The following HERC2 variants were observed in gnomAD, a reference collection of about 807,000 sequenced individuals.
The protein encoded by HERC2 is E3 ubiquitin-protein ligase HERC2.
Under a neutral mutation model 537.7 loss-of-function variants are expected in HERC2, and 102 were observed. The observed-to-expected ratio is 0.19, with a 90% confidence interval of 0.16 to 0.22. HERC2 has a LOEUF of 0.22. HERC2 is among the 10% of genes least tolerant of loss of function. HERC2 has a pLI of 1.00. For missense variants in HERC2, 4,236 were observed against 6,198.2 expected (o/e 0.68, Z 10.63); for synonymous variants, 2,224 against 2,466.2 (o/e 0.90, Z 2.91).
chr15:28,181,873 A>G (rs541024868), intron 57 of HERC2, among the ~76,000 whole-genome samples: 42 of 152,334 alleles, frequency 2.8e-4, no homozygotes, highest in African/African-American at 9.4e-4. Flanking sequence ...GGTGAATGAG[A>G]TCATGGCGCT....
intron 4 of HERC2, among the ~76,000 whole-genome samples, chr15:28,288,698 A>G (rs55925927): frequency 0.064 from 9,333 of 145,576 alleles, 717 homozygotes; most frequent in African/African-American, 0.22. Flanking sequence ...ATACAAAAAC[A>G]TTAGCCAGGC....
Position 28,111,815 on chromosome 15 carries a change from T to A in HERC2, c.14453A>T (p.Asp4818Val). The A allele has an allele frequency of 6.2e-7, 1 of 1,614,192 alleles. No homozygotes were observed. Among genetic ancestry groups the A allele is most frequent in the Non-Finnish European group, 8.5e-7 (1 of 1,180,038 alleles). The change falls in exon 93 of 93, where the codon GAT becomes GTT. Residue 4818 changes from aspartate to valine, a missense_variant. This residue lies in a region of HERC2 where 313 missense variants were observed against 462.6 expected (regional missense o/e 0.68). Transcript: ENST00000261609. Reference sequence around the variant, plus strand: ...AGAGTCCGAAGCAAAGGAGTCGACATCCTCGTTATCTGAATCGTCGCTGCT... The same window carrying A: ...AGAGTCCGAAGCAAAGGAGTCGACAACCTCGTTATCTGAATCGTCGCTGCT... ...DDSSDDSDNE[D>V]VDSFASDSTQ...
chr15:28,129,142 G>A (rs187714753), intron 83 of HERC2, among the ~76,000 whole-genome samples: 54 of 152,230 alleles, frequency 3.5e-4, no homozygotes, highest in Non-Finnish European at 6.6e-4. Context: ...GGGGTTCCCC[G>A]GACCGCCCCA....
chr15:28,290,626 T>C lies in HERC2; in HGVS notation c.322+2262A>G, dbSNP rs1178874504. Among the ~76,000 whole-genome samples the C allele has an allele frequency of 3.3e-5, 5 of 152,338 alleles. No homozygotes were observed. In the East Asian group the frequency reaches 5.8e-4, roughly 18 times the overall value. ...CATTGAAATCACAGAATATGTTCTCTGACTACAACTAATTTAGAAATTAAC... is the reference window on the plus strand; with the variant it reads ...CATTGAAATCACAGAATATGTTCTCCGACTACAACTAATTTAGAAATTAAC... On this transcript the variant is annotated intron_variant, in intron 4 of 92. Transcript: ENST00000261609.
At chr15:28,220,424 G>A (rs1900399939) in intron 37 of HERC2, 28 bp downstream of exon 37, 1 of 1,599,476 alleles carries the variant, frequency 6.3e-7, no homozygotes, top group South Asian at 1.1e-5. Flanking sequence ...GGGCTGCCTT[G>A]GACTAAACAC....
chr15:28,116,918 C>G, intron 87 of HERC2, 59 bp from the exon 88 acceptor site: 1 of 1,608,426 alleles, frequency 6.2e-7, no homozygotes, highest in South Asian at 1.1e-5. Context: ...AAAGAGAGCC[C>G]CAACGCTCCC....
In HERC2 at chr15:28,198,713, A is replaced by C. The variant is rs1252969910; in HGVS notation, c.7773T>G (p.Val2591=). The change falls in exon 49 of 93, where the codon GTT becomes GTG. Residue 2591 remains valine (V), a synonymous_variant. Coordinates refer to ENST00000261609, the MANE Select transcript of HERC2 (RefSeq NM_004667.6). The stretch of plus-strand genomic sequence containing the variant: ...CTCTGTCCAGCTTGATGACTTTGCC[A>C]ACATCACCTTCGCACACTTCTTCAT... ...RAYEEVCEGD[V]GKVIKLDRDG... 3.1e-6 allele frequency: 5 copies of C among 1,614,172 alleles called. No individual in the cohort carries two copies. The South Asian group carries it at 5.5e-5, about 18-fold the overall frequency.
chr15:28,149,797 C>T (rs776266082), intron 70 of HERC2, among the ~76,000 whole-genome samples: 9 of 151,684 alleles, frequency 5.9e-5, no homozygotes, highest in Admixed American at 4.6e-4. Flanking sequence ...GTAAAATCAC[C>T]GAAAAAACAC....
At chr15:28,163,446 TA>T (rs1170087049) in intron 68 of HERC2, among the ~76,000 whole-genome samples, 161 bp from the exon 69 acceptor site, 2 of 152,162 alleles carry the variant, frequency 1.3e-5, no homozygotes, top group African/African-American at 2.4e-5. Flanking sequence ...CGACGGCCCC[TA>T]AAATCTCCAC....
chr15:28,149,746 G>A (rs548750073), intron 70 of HERC2, among the ~76,000 whole-genome samples: 37 of 151,032 alleles, frequency 2.4e-4, no homozygotes, highest in Admixed American at 1.4e-3. Flanking sequence ...AAAAACACAC[G>A]CGACTTCCAA....
intron 2 of HERC2, among the ~76,000 whole-genome samples, chr15:28,319,437 C>T (rs1473416458): frequency 4.8e-4 from 72 of 151,526 alleles, no homozygotes; most frequent in Non-Finnish European, 8.5e-4. Flanking sequence ...AAAAATTAGT[C>T]GGGCATGCAT....
chr15:28,284,773 G>C (rs1294089876), intron 4 of HERC2, among the ~76,000 whole-genome samples: 1 of 151,868 alleles, frequency 6.6e-6, no homozygotes, highest in Admixed American at 6.6e-5. Context: ...AAAGTAGCTA[G>C]GTGTGATGGC....
At chr15:28,178,841 G>A (rs757983398) in intron 59 of HERC2, 46 bp downstream of exon 59, 2 of 1,576,800 alleles carry the variant, frequency 1.3e-6, no homozygotes, top group Admixed American at 3.6e-5. Flanking sequence ...CAACGGAGCA[G>A]GAGCAAAGGC....
chr15:28,175,109 T>C (rs756524583), intron 64 of HERC2, among the ~76,000 whole-genome samples: 12 of 151,918 alleles, frequency 7.9e-5, no homozygotes, highest in Non-Finnish European at 1.8e-4. Flanking sequence ...TAGCGTATGC[T>C]TCTCCAAGCA....
intron 4 of HERC2, among the ~76,000 whole-genome samples, chr15:28,280,779 G>A (rs1294014067): frequency 6.6e-6 from 1 of 151,948 alleles, no homozygotes; most frequent in Non-Finnish European, 1.5e-5. Context: ...GTGTGGTGAC[G>A]CACGCCTGGA....
chr15:28,191,339 GA>G, intron 53 of HERC2, 95 bp from the exon 54 acceptor site: 1 of 751,040 alleles, frequency 1.3e-6, no homozygotes, highest in East Asian at 2.6e-5. Context: ...ATCTACATGA[GA>G]TTTTTTCAAT....
rs564470977 is a variant in HERC2 at position 28,165,634 on chromosome 15, A to G, written c.10554+2053T>C. Among the ~76,000 whole-genome samples the G allele has an allele frequency of 7.7e-4, 115 of 149,786 alleles. 1 individual carries two copies. The highest frequency in any genetic ancestry group is 2.8e-3 in the African/African-American group (109 of 39,340). On this transcript the variant is annotated intron_variant, in intron 68 of 92. Coordinates refer to ENST00000261609, the MANE Select transcript of HERC2 (RefSeq NM_004667.6). ...TGGCAAAACCTATCTCTGAAAAAAA[A>G]AGAGAAAAAAAAAAATACAAAAATT... is the stretch of plus-strand genomic sequence containing the variant.
Position 28,146,241 on chromosome 15 carries a change from C to T in HERC2, c.11004G>A (p.Arg3668=), listed in dbSNP as rs779722513. 3.7e-6 allele frequency: 6 copies of T among 1,612,652 alleles called. No individual in the cohort carries two copies. The Admixed American group carries it at 5.0e-5, about 13-fold the overall frequency. ...MDGVNRIVSV[R]SGREWSDWSS... is the part of the protein sequence containing the mutation. ...TGCTCAACCTCCTGTCCTTACCTGA[C>T]CGCACGGAGACGATCCTGTTGACGC... Residue 3668 remains arginine, a synonymous_variant, in exon 71 of 93, where the codon CGG becomes CGA. Transcript: ENST00000261609.
intron 44 of HERC2, among the ~76,000 whole-genome samples, chr15:28,207,388 G>A (rs1183868918): frequency 7.9e-5 from 12 of 152,218 alleles, no homozygotes; most frequent in East Asian, 3.9e-4. Flanking sequence ...CACCCGCCTC[G>A]GCATCCCAAA....
Sources: allele counts gnomAD v4.1 joint callset (sites outside exome capture counted in the v4.1 genomes callset), GRCh38; gene constraint gnomAD v4.1.1; regional missense constraint gnomAD v4.1.1; transcripts MANE v1.5; gene names NCBI Gene and HGNC (gene_info 2026-07-23, HGNC 2026-07-21).